The following TSHZ2 variants were observed in gnomAD, a reference collection of about 807,000 sequenced individuals.
TSHZ2 encodes the protein teashirt homolog 2.
A neutral mutation model predicts 74.4 loss-of-function variants in TSHZ2; 21 were observed. The ratio of observed to expected loss-of-function variants is 0.28; its 90% CI spans 0.20 to 0.41. The LOEUF (loss-of-function observed/expected upper bound fraction) is 0.41, where lower values mean the gene tolerates loss of function less well. TSHZ2 is among the 10% of genes least tolerant of loss of function. The pLI is 1.00. For missense variants in TSHZ2, 1,244 were observed against 1,293.5 expected, an observed-to-expected ratio of 0.96 and a Z score of 0.59; for synonymous variants, 540 against 515.3, an observed-to-expected ratio of 1.05 and a Z score of -0.65.
At chr20:53,385,546 G>A (rs377114160) in intron 2 of TSHZ2, among the ~76,000 whole-genome samples, 15 of 152,130 alleles carry the variant, frequency 9.9e-5, no homozygotes, top group African/African-American at 2.7e-4. Flanking sequence ...TACCATTCTC[G>A]GTCGTGGGGC....
chr20:53,414,360 C>G (rs576381096), intron 2 of TSHZ2, among the ~76,000 whole-genome samples: 1 of 152,210 alleles, frequency 6.6e-6, no homozygotes, highest in South Asian at 2.1e-4. Context: ...TGGCTCACAC[C>G]TGTAATCCCA....
intron 1 of TSHZ2, among the ~76,000 whole-genome samples, chr20:53,025,975 T>C (rs1983427250): frequency 1.3e-5 from 2 of 152,178 alleles, no homozygotes; most frequent in South Asian, 4.1e-4. Context: ...CCCGTTAGGA[T>C]TGCAGGAGGC....
At chr20:52,976,000 G>A (rs1014671539) in intron 1 of TSHZ2, among the ~76,000 whole-genome samples, 1 of 152,188 alleles carries the variant, frequency 6.6e-6, no homozygotes, top group African/African-American at 2.4e-5. Context: ...AATGAATAAT[G>A]GGAGATAGAA....
chr20:53,189,136 C>T (rs1164646779), intron 1 of TSHZ2, among the ~76,000 whole-genome samples: 1 of 152,100 alleles, frequency 6.6e-6, no homozygotes, highest in Non-Finnish European at 1.5e-5. Context: ...AAAACTTTCC[C>T]CTGAAATTCT....
chr20:53,377,611 A>G (rs1163646510), intron 2 of TSHZ2, among the ~76,000 whole-genome samples: 1 of 152,194 alleles, frequency 6.6e-6, no homozygotes, highest in Non-Finnish European at 1.5e-5. Flanking sequence ...TGCAATCCCA[A>G]CGTTCTTGGA....
rs1481039197 is a variant in TSHZ2, at chr20:53,254,016, C to T, written c.558C>T (p.Val186=). 6.2e-7 allele frequency: 1 copy of T among 1,614,156 alleles called. No individual in the cohort carries two copies. Among genetic ancestry groups the T allele is most frequent in the Non-Finnish European group, 8.5e-7 (1 of 1,180,030 alleles). Residue 186 remains valine, a synonymous_variant, in exon 2 of 3, where the codon GTC becomes GTT. Transcript: ENST00000371497. ...AGCAGAACTTGCCTTCTCGGTCCGT[C>T]TCGAAACCCAGCCTGTTCAGCTCGG... ...SLQQNLPSRS[V]SKPSLFSSVQ...
intron 2 of TSHZ2, among the ~76,000 whole-genome samples, chr20:53,359,834 G>A (rs1980985825): frequency 6.6e-6 from 1 of 152,186 alleles, no homozygotes; most frequent in African/African-American, 2.4e-5. Context: ...TGAGAGGTAA[G>A]CCCAAGATCA....
At chr20:53,269,721 G>A (rs186927119) in intron 2 of TSHZ2, among the ~76,000 whole-genome samples, 2 of 151,874 alleles carry the variant, frequency 1.3e-5, no homozygotes, top group East Asian at 1.9e-4. Context: ...TGGGTGCAGC[G>A]CACCAGCATG....
chr20:53,189,100 T>C (rs1988670924), intron 1 of TSHZ2, among the ~76,000 whole-genome samples: 2 of 152,222 alleles, frequency 1.3e-5, no homozygotes, highest in South Asian at 4.1e-4. Context: ...TTTGAAATTA[T>C]GACAAGGTGT....
chr20:53,118,639 G>A (rs756237295), intron 1 of TSHZ2, among the ~76,000 whole-genome samples: 1 of 152,130 alleles, frequency 6.6e-6, no homozygotes, highest in Non-Finnish European at 1.5e-5. Flanking sequence ...GGGTGTCAGG[G>A]AGGTTCCTTA....
In TSHZ2 at chr20:53,255,476, C is replaced by A. The variant is rs773307909; in HGVS notation, c.2018C>A (p.Thr673Lys). 3.1e-6 allele frequency: 5 copies of A among 1,607,110 alleles called. No homozygotes were observed. In the South Asian group the frequency reaches 5.5e-5, roughly 18 times the overall value. Residue 673 changes from threonine (T) to lysine (K), a missense_variant, in exon 2 of 3, where the codon ACA becomes AAA. Physicochemically the swap from Thr to Lys is moderately conservative, Grantham distance 78. Transcript: ENST00000371497. This position sits in a 1 kb window ranked among gnomAD's most constrained non-coding sequence, Gnocchi z 4.1. ...EKEKPQPLEP[T>K]SALSNGCALA... Reference sequence around the variant, plus strand: ...GAGAAACCCCAGCCCCTGGAGCCCACATCTGCTCTGAGCAATGGGTGCGCC... The same window carrying A: ...GAGAAACCCCAGCCCCTGGAGCCCAAATCTGCTCTGAGCAATGGGTGCGCC...
Position 53,254,274 on chromosome 20 carries a change from A to T in TSHZ2, c.816A>T (p.Gln272His). 6.2e-7 allele frequency: 1 copy of T among 1,614,156 alleles called. No homozygotes were observed. The highest frequency in any genetic ancestry group is 8.5e-7 in the Non-Finnish European group (1 of 1,180,010). ...AGGATATGGACAAAGAGGATGCTCAAAAGGTTCTGAAATGTATGTTTTGTG... is the reference window on the plus strand; with the variant it reads ...AGGATATGGACAAAGAGGATGCTCATAAGGTTCTGAAATGTATGTTTTGTG... ...AFQDMDKEDA[Q>H]KVLKCMFCGD... Residue 272 changes from glutamine to histidine, a missense_variant, in exon 2 of 3, where the codon CAA (glutamine) becomes CAT (histidine). Gln to His is a conservative substitution (Grantham distance 24). Coordinates refer to ENST00000371497, the MANE Select transcript of TSHZ2 (RefSeq NM_173485.6).
At chr20:53,274,127 G>A (rs1031448962) in intron 2 of TSHZ2, among the ~76,000 whole-genome samples, 60 of 152,266 alleles carry the variant, frequency 3.9e-4, no homozygotes, top group African/African-American at 1.4e-3. Flanking sequence ...AAAATTAGCT[G>A]GGTGTGGTGG....
At chr20:53,422,660 C>G (rs563667117) in intron 2 of TSHZ2, among the ~76,000 whole-genome samples, 1 of 152,302 alleles carries the variant, frequency 6.6e-6, no homozygotes, top group East Asian at 1.9e-4. Flanking sequence ...CTCTCATTAC[C>G]ACCTGCACAG....
At chr20:53,041,248 T>A (rs1026286561) in intron 1 of TSHZ2, among the ~76,000 whole-genome samples, 5 of 152,272 alleles carry the variant, frequency 3.3e-5, no homozygotes, top group African/African-American at 1.2e-4. Context: ...AGGGCTCAAA[T>A]GACTCATCAG....
chr20:52,988,284 C>T (rs1035322301), intron 1 of TSHZ2, among the ~76,000 whole-genome samples: 1 of 152,086 alleles, frequency 6.6e-6, no homozygotes, highest in Non-Finnish European at 1.5e-5. Flanking sequence ...AATCTCTCCC[C>T]GAGACATCCT....
chr20:53,448,354 G>A (rs1984641219), intron 2 of TSHZ2, among the ~76,000 whole-genome samples: 1 of 152,182 alleles, frequency 6.6e-6, no homozygotes, highest in Non-Finnish European at 1.5e-5. Context: ...TAGTCACTTA[G>A]GCAATCATGA....
At chr20:53,139,908 C>T (rs149871231) in intron 1 of TSHZ2, among the ~76,000 whole-genome samples, 230 of 152,286 alleles carry the variant, frequency 1.5e-3, no homozygotes, top group African/African-American at 5.1e-3. Context: ...TTTAGGACTT[C>T]GCTACAGAAC....
At chr20:53,283,286 C>T (rs112296960) in intron 2 of TSHZ2, among the ~76,000 whole-genome samples, 28 of 152,310 alleles carry the variant, frequency 1.8e-4, no homozygotes, top group African/African-American at 6.7e-4. Flanking sequence ...AACTCATGCC[C>T]TGTCCTGATT....
Sources: allele counts gnomAD v4.1 joint callset (sites outside exome capture counted in the v4.1 genomes callset), GRCh38; gene constraint gnomAD v4.1.1; non-coding constraint Gnocchi (gnomAD v3.1); transcripts MANE v1.5; gene names NCBI Gene and HGNC (gene_info 2026-07-23, HGNC 2026-07-21).